IFIT5: variants seen among roughly 807,000 people sequenced by gnomAD.
IFIT5 encodes interferon-induced protein with tetratricopeptide repeats 5.
IFIT5 carries 2 observed loss-of-function variants against 5.0 expected under a neutral mutation model. The observed-to-expected ratio is 0.40, with a 90% CI of 0.16 to 1.26. The LOEUF (loss-of-function observed/expected upper bound fraction) is 1.26. IFIT5 is among the 50% of genes most tolerant of loss of function. The probability of loss-of-function intolerance (pLI) is 0.33; values close to 1 mark genes in which losing one functional copy is unlikely to be tolerated. For missense variants in IFIT5, 524 were observed against 563.2 expected (o/e 0.93, Z 0.70); for synonymous variants, 206 against 204.6 (o/e 1.01, Z -0.06).
Position 89,420,366 on chromosome 10 carries a change from T to C in IFIT5, c.*1718T>C, listed in dbSNP as rs1262945769. The C allele has an allele frequency of 3.3e-5, 5 of 152,318 alleles. No individual in the cohort carries two copies. The East Asian group carries it at 9.6e-4, about 29-fold the overall frequency. 9.4% of individuals were successfully genotyped at this position (152,318 alleles called of 1,614,324 possible). A position where few individuals can be genotyped will look rare whatever the true frequency, so the allele number is the denominator to read the frequency against. ...TAGACACATTTGTCCCTTTCAGATATTTTAGGATATTCTAGCAAAGCAGGC... is the reference window on the plus strand; with the variant it reads ...TAGACACATTTGTCCCTTTCAGATACTTTAGGATATTCTAGCAAAGCAGGC... On this transcript the variant is annotated 3_prime_UTR_variant, in exon 2 of 2. Transcript: ENST00000371795.
Position 89,417,384 on chromosome 10 carries a change from A to G in IFIT5, c.185A>G (p.His62Arg), listed in dbSNP as rs1480500705. Reference sequence around the variant, plus strand: ...TATAACCTATTGGCCTATGTGAAACACCTAAAAGGCCAAAATAAAGACGCC... The same window carrying G: ...TATAACCTATTGGCCTATGTGAAACGCCTAAAAGGCCAAAATAAAGACGCC... ...ALYNLLAYVK[H>R]LKGQNKDALE... Residue 62 changes from histidine (H) to arginine (R), a missense_variant, in exon 2 of 2, where the codon CAC (histidine) becomes CGC (arginine). By Grantham distance (29) the His-to-Arg change is conservative (BLOSUM62 0). Transcript: ENST00000371795. 1 of 1,614,052 alleles carries G rather than the reference A, an allele frequency of 6.2e-7. No individual in the cohort carries two copies. Among genetic ancestry groups the G allele is most frequent in the African/African-American group, 1.3e-5 (1 of 74,922 alleles).
intron 1 of IFIT5, among the ~76,000 whole-genome samples, chr10:89,415,226 C>T (rs1841523053): frequency 6.6e-6 from 1 of 152,228 alleles, no homozygotes; most frequent in Non-Finnish European, 1.5e-5. Flanking sequence ...GGTGACCGTG[C>T]TGGGTCCGCG....
In IFIT5 at chr10:89,420,158, T is replaced by C. The variant is rs1323887789; in HGVS notation, c.*1510T>C. 1.3e-5 allele frequency: 2 copies of C among 152,202 alleles called. No individual in the cohort carries two copies. The allele number at this position is 152,202 out of a possible 1,614,324, so 9.4% of individuals were successfully genotyped here. On this transcript the variant is annotated 3_prime_UTR_variant, in exon 2 of 2. Coordinates refer to ENST00000371795, the MANE Select transcript of IFIT5 (RefSeq NM_012420.3). ...AACTTCCAGATCTTTTTTCTATGCG[T>C]AATCAGACATACATATATACTGCAG...
At chr10:89,414,880 C>T in intron 1 of IFIT5, 77 bp downstream of exon 1, 2 of 1,555,728 alleles carry the variant, frequency 1.3e-6, no homozygotes, top group Non-Finnish European at 8.7e-7. Flanking sequence ...TTATTCATTT[C>T]CAGCGCAGTT....
In IFIT5 at chr10:89,417,415, G is replaced by A. The variant is rs1564817183; in HGVS notation, c.216G>A (p.Glu72=). ...HLKGQNKDAL[E]CLEQAEEIIQ... is the part of the protein sequence containing the mutation. ...AAGGCCAAAATAAAGACGCCCTTGA[G>A]TGCTTGGAACAAGCAGAAGAAATAA... The change falls in exon 2 of 2, where the codon GAG becomes GAA. Residue 72 remains glutamate (E), a synonymous_variant. Transcript: ENST00000371795. 2 of 1,614,158 alleles carry A rather than the reference G, an allele frequency of 1.2e-6. No individual in the cohort carries two copies. Among genetic ancestry groups the A allele is most frequent in the Middle Eastern group, 1.6e-4 (1 of 6,062 alleles).
Position 89,414,657 on chromosome 10 carries a change from G to A in IFIT5, c.-142G>A. ...CTCCTTTAACAAAGACACGCCGCGCGGCCGAGTCCAGGGGCTGCAGAGGCC... is the reference window on the plus strand; with the variant it reads ...CTCCTTTAACAAAGACACGCCGCGCAGCCGAGTCCAGGGGCTGCAGAGGCC... On this transcript the variant is annotated 5_prime_UTR_variant, in exon 1 of 2. Coordinates refer to ENST00000371795, the MANE Select transcript of IFIT5 (RefSeq NM_012420.3). The A allele has an allele frequency of 1.2e-6, 1 of 837,340 alleles. No homozygotes were observed. The highest frequency in any genetic ancestry group is 3.3e-5 in the East Asian group (1 of 30,674). 51.9% of individuals were successfully genotyped at this position (837,340 alleles called of 1,614,324 possible).
At chr10:89,415,757 G>A (rs993354488) in intron 1 of IFIT5, among the ~76,000 whole-genome samples, 1 of 147,414 alleles carries the variant, frequency 6.8e-6, no homozygotes, top group Admixed American at 6.6e-5. Flanking sequence ...CTCAAACTCT[G>A]TGAGTCTGTT....
Position 89,417,137 on chromosome 10 carries a change from ATATT to A in IFIT5, c.6-65_6-62del, listed in dbSNP as rs1841545659. ...AAAATTAGTTGTTATGCAAAGAACAATATTTAAGGTTTAGAAAATTATTTCTTGT... is the reference window on the plus strand; with the variant it reads ...AAAATTAGTTGTTATGCAAAGAACAATAAGGTTTAGAAAATTATTTCTTGT... On this transcript the variant is annotated intron_variant, in intron 1 of 1. Coordinates refer to ENST00000371795, the MANE Select transcript of IFIT5 (RefSeq NM_012420.3). 3.0e-6 allele frequency: 4 copies of A among 1,315,092 alleles called. No individual in the cohort carries two copies. In the African/African-American group the frequency reaches 4.5e-5, roughly 15 times the overall value. The allele number at this position is 1,315,092 out of a possible 1,614,324, so 81.5% of individuals were successfully genotyped here.
At position 89,418,264 on chromosome 10, in the gene IFIT5, C is replaced by T; in HGVS notation, c.1065C>T (p.Ser355=). 1.2e-6 allele frequency: 2 copies of T among 1,614,228 alleles called. No individual in the cohort carries two copies. Among genetic ancestry groups the T allele is most frequent in the Non-Finnish European group, 1.7e-6 (2 of 1,180,028 alleles). ...ANMYAEGGQY[S]NAEDIFRKAL... ...TGTACGCTGAAGGAGGCCAGTATAG[C>T]AATGCTGAGGACATTTTCCGGAAAG... The change falls in exon 2 of 2, where the codon AGC becomes AGT. Residue 355 remains serine (S), a synonymous_variant. Transcript: ENST00000371795.
rs576510053 is a variant in IFIT5, at chr10:89,415,776, G to GT, written c.5+974dup. On this transcript the variant is annotated intron_variant, in intron 1 of 1. Transcript: ENST00000371795. ...AACTCTGTGAGTCTGTTCCTTATTT[G>GT]TAAAAATTAATGGTGTCCATCTCTT... 2.6e-3 allele frequency among the ~76,000 whole-genome samples: 402 copies of GT among 152,166 alleles called. 2 individuals are homozygous for GT. Among genetic ancestry groups the GT allele is most frequent in the African/African-American group, 9.1e-3 (378 of 41,464 alleles).
rs948932742 is a variant in IFIT5 at position 89,419,682 on chromosome 10, T to G, written c.*1034T>G. The G allele has an allele frequency of 6.6e-6, 1 of 152,132 alleles. No homozygotes were observed. Among genetic ancestry groups the G allele is most frequent in the African/African-American group, 2.4e-5 (1 of 41,430 alleles). 9.4% of individuals were successfully genotyped at this position (152,132 alleles called of 1,614,324 possible). A position where few individuals can be genotyped will look rare whatever the true frequency, so the allele number is the denominator to read the frequency against. ...TTAATGTGAAATTTTCAGAATGTTG[T>G]TTTTTTCATGTAGATACTCCAGGAA... On this transcript the variant is annotated 3_prime_UTR_variant, in exon 2 of 2. Coordinates refer to ENST00000371795, the MANE Select transcript of IFIT5 (RefSeq NM_012420.3).
rs1841561609 is a variant in IFIT5, at chr10:89,418,190, A to G, written c.991A>G (p.Met331Val). ...TGCTATATTTCATTTCAAAGCAGCC[A>G]TGGAACGAGACTCTATGTTTGCATT... ...SSAIFHFKAAMERDSMFAFAY... is the reference protein window; with the variant it reads ...SSAIFHFKAAVERDSMFAFAY... Residue 331 changes from methionine (M) to valine (V), a missense_variant, in exon 2 of 2, where the codon ATG becomes GTG. Physicochemically the swap from Met to Val is conservative, Grantham distance 21 (BLOSUM62 1). Transcript: ENST00000371795. 3.1e-6 allele frequency: 5 copies of G among 1,614,226 alleles called. No homozygotes were observed. The East Asian group carries it at 8.9e-5, about 29-fold the overall frequency.
Position 89,418,701 on chromosome 10 carries a change from CTGTT to C in IFIT5, c.*59_*62del. The C allele has an allele frequency of 2.0e-6, 3 of 1,508,404 alleles. No individual in the cohort carries two copies. The highest frequency in any genetic ancestry group is 2.7e-6 in the Non-Finnish European group (3 of 1,127,848). 93.4% of individuals were successfully genotyped at this position (1,508,404 alleles called of 1,614,324 possible). A position where few individuals can be genotyped will look rare whatever the true frequency, so the allele number is the denominator to read the frequency against. On this transcript the variant is annotated 3_prime_UTR_variant, in exon 2 of 2. Coordinates refer to ENST00000371795, the MANE Select transcript of IFIT5 (RefSeq NM_012420.3). ...GTTTTTCCCTTCATTTTGGGTTCTC[CTGTT>C]TGTTTTTTTTTTATTATTTTAATCC... is the stretch of plus-strand genomic sequence containing the variant.
In IFIT5 at chr10:89,418,034, A is replaced by C; in HGVS notation, c.835A>C (p.Thr279Pro). The C allele has an allele frequency of 6.2e-7, 1 of 1,614,220 alleles. No homozygotes were observed. The highest frequency in any genetic ancestry group is 8.5e-7 in the Non-Finnish European group (1 of 1,180,042). Residue 279 changes from threonine (T) to proline (P), a missense_variant, in exon 2 of 2, where the codon ACA (threonine) becomes CCA (proline). Coordinates refer to ENST00000371795, the MANE Select transcript of IFIT5 (RefSeq NM_012420.3). ...LELLKKALEVTPTSSFLHHQM... is the reference protein window; with the variant it reads ...LELLKKALEVPPTSSFLHHQM... ...ACTTTTAAAAAAGGCCTTGGAGGTG[A>C]CACCAACTTCTTCTTTCCTGCATCA...
Position 89,417,430 on chromosome 10 carries a change from A to G in IFIT5, c.231A>G (p.Ala77=), listed in dbSNP as rs1181929083. 3 of 1,614,128 alleles carry G rather than the reference A, an allele frequency of 1.9e-6. No individual in the cohort carries two copies. Among genetic ancestry groups the G allele is most frequent in the Admixed American group, 1.7e-5 (1 of 60,008 alleles). The change falls in exon 2 of 2, where the codon GCA becomes GCG. Residue 77 remains alanine (A), a synonymous_variant. Coordinates refer to ENST00000371795, the MANE Select transcript of IFIT5 (RefSeq NM_012420.3). ...NKDALECLEQ[A]EEIIQQEHSD... ...ACGCCCTTGAGTGCTTGGAACAAGC[A>G]GAAGAAATAATCCAGCAAGAACACT...
In IFIT5 at chr10:89,414,771, C is replaced by A; in HGVS notation, c.-28C>A. The A allele has an allele frequency of 1.9e-6, 3 of 1,606,970 alleles. No homozygotes were observed. Among genetic ancestry groups the A allele is most frequent in the Non-Finnish European group, 2.5e-6 (3 of 1,177,562 alleles). On this transcript the variant is annotated 5_prime_UTR_variant, in exon 1 of 2. Transcript: ENST00000371795. ...GAGAGCGATCCGAGGGACTGCGCCG[C>A]CCGGACGGCCTGCAGAGCGCTGCCA...
Position 89,418,439 on chromosome 10 carries a change from A to G in IFIT5, c.1240A>G (p.Thr414Ala). 2 of 1,614,220 alleles carry G rather than the reference A, an allele frequency of 1.2e-6. No homozygotes were observed. Among genetic ancestry groups the G allele is most frequent in the African/African-American group, 2.7e-5 (2 of 75,062 alleles). The change falls in exon 2 of 2, where the codon ACC (threonine) becomes GCC (alanine). Residue 414 changes from threonine to alanine, a missense_variant. Physicochemically the swap from Thr to Ala is moderately conservative, Grantham distance 58. Coordinates refer to ENST00000371795, the MANE Select transcript of IFIT5 (RefSeq NM_012420.3). ...LKVKDRSPLR[T>A]KLTSALKKLS... ...GGTCAAAGACAGATCACCCCTTCGC[A>G]CCAAACTGACAAGTGCTCTGAAGAA...
chr10:89,417,922 C>T lies in IFIT5; in HGVS notation c.723C>T (p.Ile241=). 1 of 1,614,140 alleles carries T rather than the reference C, an allele frequency of 6.2e-7. No homozygotes were observed. Residue 241 remains isoleucine (I), a synonymous_variant, in exon 2 of 2, where the codon ATC becomes ATT. Coordinates refer to ENST00000371795, the MANE Select transcript of IFIT5 (RefSeq NM_012420.3). ...AAGGGGAAAAGTATATTGAAGAAAT[C>T]CTGGACCAAATATCATCCCAGCCTT... ...EAEGEKYIEE[I]LDQISSQPYV...
Position 89,417,186 on chromosome 10 carries a change from A to G in IFIT5, c.6-19A>G. 1 of 1,533,360 alleles carries G rather than the reference A, an allele frequency of 6.5e-7. No homozygotes were observed. Among genetic ancestry groups the G allele is most frequent in the Non-Finnish European group, 8.8e-7 (1 of 1,139,426 alleles). 95.0% of individuals were successfully genotyped at this position (1,533,360 alleles called of 1,614,324 possible). The stretch of plus-strand genomic sequence containing the variant: ...TCTTGTATTTCTTCAAAAATTAAAA[A>G]GTATTTTATCTTTGACAGTGAAATT... On this transcript the variant is annotated intron_variant, in intron 1 of 1. Coordinates refer to ENST00000371795, the MANE Select transcript of IFIT5 (RefSeq NM_012420.3).
Sources: allele counts gnomAD v4.1 joint callset (sites outside exome capture counted in the v4.1 genomes callset), GRCh38; gene constraint gnomAD v4.1.1; transcripts MANE v1.5; gene names NCBI Gene and HGNC (gene_info 2026-07-23, HGNC 2026-07-21).